ZNF148: variants seen among roughly 807,000 people sequenced by gnomAD.
ZNF148 encodes zinc finger protein 148.
A neutral mutation model predicts 67.7 loss-of-function variants in ZNF148; 7 were observed. The ratio of observed to expected loss-of-function variants is 0.10; its 90% CI spans 0.06 to 0.19. The LOEUF is 0.19. Ranked by LOEUF, ZNF148 falls within the 10% of genes least tolerant of loss-of-function variation. The pLI is 1.00. For synonymous variants in ZNF148, 333 were observed against 330.7 expected (o/e 1.01, Z -0.08); for missense variants, 583 against 947.1 (o/e 0.62, Z 5.05).
At chr3:125,280,031 A>G (rs990882079) in intron 5 of ZNF148, among the ~76,000 whole-genome samples, 3 of 152,130 alleles carry the variant, frequency 2.0e-5, no homozygotes, top group Non-Finnish European at 4.4e-5. Flanking sequence ...TCAAGTTACA[A>G]TATGGTAGAA....
chr3:125,288,089 A>C lies in ZNF148; in HGVS notation c.459+14T>G, dbSNP rs775265183. ...TTAAGAGGTTGTGATTACCACCTTA[A>C]TACATTGTCTTACTTTTGCGGGAGA... On this transcript the variant is annotated intron_variant, in intron 5 of 8. Coordinates refer to ENST00000360647, the MANE Select transcript of ZNF148 (RefSeq NM_021964.3). The C allele has an allele frequency of 6.8e-6, 11 of 1,613,550 alleles. No individual in the cohort carries two copies. The highest frequency in any genetic ancestry group is 2.2e-5 in the East Asian group (1 of 44,870).
At chr3:125,310,553 G>C (rs570270407) in intron 4 of ZNF148, among the ~76,000 whole-genome samples, 1 of 151,868 alleles carries the variant, frequency 6.6e-6, no homozygotes, top group East Asian at 1.9e-4. Context: ...CTTTAGGAAA[G>C]TAGAAAAAGA....
chr3:125,359,403 TTCTC>T (rs1301408697), intron 1 of ZNF148, among the ~76,000 whole-genome samples: 3 of 151,582 alleles, frequency 2.0e-5, no homozygotes, highest in South Asian at 2.1e-4. Context: ...TAAATATGCT[TTCTC>T]TCTCTCTCTC....
At chr3:125,361,825 CCT>C (rs1371033544) in intron 1 of ZNF148, among the ~76,000 whole-genome samples, 4 of 89,308 alleles carry the variant, frequency 4.5e-5, no homozygotes, top group South Asian at 6.6e-4. Context: ...AGAGCGAGAC[CCT>C]GTCTCAAAAA....
chr3:125,258,539 C>A (rs1471127976), intron 7 of ZNF148, among the ~76,000 whole-genome samples: 3 of 151,446 alleles, frequency 2.0e-5, no homozygotes, highest in African/African-American at 7.3e-5. Flanking sequence ...GTAGCTGGGT[C>A]TACAGGTGTG....
intron 4 of ZNF148, chr3:125,311,474 AT>A (rs1397513589): frequency 1.3e-5 from 2 of 152,198 alleles, no homozygotes; most frequent in Non-Finnish European, 2.9e-5. Flanking sequence ...AAAGTACTGC[AT>A]TTTCTTATGA....
intron 1 of ZNF148, among the ~76,000 whole-genome samples, chr3:125,350,767 C>T (rs191885057): frequency 1.3e-5 from 2 of 152,334 alleles, no homozygotes; most frequent in African/African-American, 4.8e-5. Flanking sequence ...ACCTGCCACT[C>T]ACTTCCTGCT....
chr3:125,348,480 CA>C (rs35810148), intron 1 of ZNF148, among the ~76,000 whole-genome samples: 1,118 of 60,730 alleles, frequency 0.018, 1 homozygote, highest in South Asian at 0.028. Flanking sequence ...GACCCTGTCT[CA>C]AAAAAAAAAA....
intron 1 of ZNF148, among the ~76,000 whole-genome samples, chr3:125,341,645 G>T (rs1416848756): frequency 3.3e-5 from 5 of 151,846 alleles, no homozygotes; most frequent in Admixed American, 3.3e-4. Flanking sequence ...AAACTAAAAA[G>T]AAAAAAATTA....
intron 7 of ZNF148, among the ~76,000 whole-genome samples, chr3:125,240,336 C>T (rs1936292873): frequency 6.6e-6 from 1 of 152,236 alleles, no homozygotes; most frequent in African/African-American, 2.4e-5. Context: ...AAGCCACCGT[C>T]TCTGAATGAA....
At chr3:125,325,638 G>C (rs545157301) in intron 2 of ZNF148, among the ~76,000 whole-genome samples, 3 of 152,042 alleles carry the variant, frequency 2.0e-5, no homozygotes, top group African/African-American at 7.2e-5. Flanking sequence ...GCTAATTTTT[G>C]TATTTTTGTA....
At chr3:125,277,432 T>A (rs886509787) in intron 7 of ZNF148, among the ~76,000 whole-genome samples, 7 of 152,176 alleles carry the variant, frequency 4.6e-5, no homozygotes, top group Admixed American at 4.6e-4. Context: ...TAATTTTGAG[T>A]TCAGTAAACA....
chr3:125,282,052 A>G (rs976864038), intron 5 of ZNF148, among the ~76,000 whole-genome samples: 3 of 152,188 alleles, frequency 2.0e-5, no homozygotes, highest in African/African-American at 7.2e-5. Context: ...TACTCCTCCT[A>G]GCTTACCACT....
At chr3:125,305,595 C>T (rs867037455) in intron 4 of ZNF148, among the ~76,000 whole-genome samples, 2 of 151,888 alleles carry the variant, frequency 1.3e-5, no homozygotes, top group African/African-American at 4.8e-5. Flanking sequence ...GAGGATCGCT[C>T]GAACCCAGGA....
intron 1 of ZNF148, among the ~76,000 whole-genome samples, chr3:125,368,947 A>AAAACAAACAAAC (rs111789209): frequency 6.8e-6 from 1 of 147,876 alleles, no homozygotes; most frequent in African/African-American, 2.5e-5. Context: ...TCCATCTCAA[A>AAAACAAACAAAC]AAACAAACAA....
At chr3:125,242,990 GCTGGAC>G (rs1357629489) in intron 7 of ZNF148, among the ~76,000 whole-genome samples, 1 of 152,160 alleles carries the variant, frequency 6.6e-6, no homozygotes, top group Non-Finnish European at 1.5e-5. Context: ...CGTTTGTCCT[GCTGGAC>G]CACTTTCCAT....
chr3:125,369,260 T>TAAA (rs1942795949), intron 1 of ZNF148, among the ~76,000 whole-genome samples: 2 of 3,886 alleles, frequency 5.1e-4, no homozygotes, highest in African/African-American at 3.8e-3. Flanking sequence ...AGATCCTGCC[T>TAAA]CAAAAAAAAA....
At chr3:125,281,485 A>C (rs1490521865) in intron 5 of ZNF148, among the ~76,000 whole-genome samples, 1 of 152,242 alleles carries the variant, frequency 6.6e-6, no homozygotes, top group African/African-American at 2.4e-5. Flanking sequence ...ACAAATAAGA[A>C]AATCCAACTG....
At chr3:125,319,095 G>C (rs1003461861) in intron 3 of ZNF148, among the ~76,000 whole-genome samples, 2 of 151,968 alleles carry the variant, frequency 1.3e-5, no homozygotes, top group Non-Finnish European at 2.9e-5. Flanking sequence ...TAACCCTCTA[G>C]TCATTTAAGC....
Sources: allele counts gnomAD v4.1 joint callset (sites outside exome capture counted in the v4.1 genomes callset), GRCh38; gene constraint gnomAD v4.1.1; transcripts MANE v1.5; gene names NCBI Gene and HGNC (gene_info 2026-07-23, HGNC 2026-07-21).